The following ZNF140 variants were observed in gnomAD, a reference collection of about 807,000 sequenced individuals.
ZNF140 encodes zinc finger protein 140 (clone pHZ-39).
ZNF140 carries 13 observed loss-of-function variants against 12.9 expected under a neutral mutation model. The observed-to-expected ratio is 1.01, with a 90% CI of 0.66 to 1.60. ZNF140 has a LOEUF of 1.60. ZNF140 is among the 40% of genes most tolerant of loss of function. The pLI, the probability that ZNF140 is intolerant of heterozygous loss-of-function variation, is 0.00. For synonymous variants in ZNF140, 214 were observed against 186.7 expected (o/e 1.15, Z -1.19); for missense variants, 531 against 548.8 (o/e 0.97, Z 0.32).
At chr12:133,090,987 A>G (rs1315998731) in intron 4 of ZNF140, among the ~76,000 whole-genome samples, 1 of 148,670 alleles carries the variant, frequency 6.7e-6, no homozygotes, top group Non-Finnish European at 1.5e-5. Flanking sequence ...AATTGAACAA[A>G]TGTACAATCG....
intron 4 of ZNF140, among the ~76,000 whole-genome samples, chr12:133,097,955 T>G (rs902067637): frequency 2.0e-5 from 3 of 151,950 alleles, no homozygotes; most frequent in Non-Finnish European, 4.4e-5. Context: ...TGCCTCAGCC[T>G]CCTATGTAGC....
At chr12:133,103,923 T>C (rs1393335721) in intron 4 of ZNF140, among the ~76,000 whole-genome samples, 12 of 152,222 alleles carry the variant, frequency 7.9e-5, no homozygotes, top group African/African-American at 2.2e-4. Flanking sequence ...GACACAATTA[T>C]TTTAAAAGCT....
chr12:133,088,385 A>G (rs1270105332), intron 4 of ZNF140, among the ~76,000 whole-genome samples: 1 of 152,228 alleles, frequency 6.6e-6, no homozygotes, highest in African/African-American at 2.4e-5. Context: ...CTTCTTTCAC[A>G]TACTAATACA....
chr12:133,087,242 A>T (rs1954704618), intron 4 of ZNF140, among the ~76,000 whole-genome samples: 1 of 152,150 alleles, frequency 6.6e-6, no homozygotes, highest in South Asian at 2.1e-4. Flanking sequence ...ACAGACATGA[A>T]GAAGACTGAG....
intron 4 of ZNF140, among the ~76,000 whole-genome samples, chr12:133,096,000 G>T (rs995455793): frequency 2.6e-4 from 39 of 151,202 alleles, no homozygotes; most frequent in Non-Finnish European, 1.5e-4. Context: ...TATCTCAACT[G>T]CAAGAGGCTT....
chr12:133,095,618 C>CCGGG (rs1955052318), intron 4 of ZNF140, among the ~76,000 whole-genome samples: 1 of 151,752 alleles, frequency 6.6e-6, no homozygotes, highest in Non-Finnish European at 1.5e-5. Context: ...AGGACCTGCA[C>CCGGG]CAGCACCGGC....
At chr12:133,088,270 A>C (rs1262696181) in intron 4 of ZNF140, among the ~76,000 whole-genome samples, 2 of 152,206 alleles carry the variant, frequency 1.3e-5, no homozygotes, top group African/African-American at 2.4e-5. Context: ...TGTTCTGCCT[A>C]ATCACCCATT....
chr12:133,096,144 CCA>C (rs1955113353), intron 4 of ZNF140, among the ~76,000 whole-genome samples: 1 of 150,210 alleles, frequency 6.7e-6, no homozygotes, highest in Non-Finnish European at 1.5e-5. Flanking sequence ...TACCCCGCTT[CCA>C]AGGGCAGAGG....
At chr12:133,089,165 A>G (rs1954773365) in intron 4 of ZNF140, among the ~76,000 whole-genome samples, 1 of 152,040 alleles carries the variant, frequency 6.6e-6, no homozygotes, top group South Asian at 2.1e-4. Context: ...GGTAGAATTT[A>G]CCAGTGAATC....
rs896117224 is a variant in ZNF140, at chr12:133,094,733, C to T, written c.233-10777C>T. Among the ~76,000 whole-genome samples, 8 of 151,218 alleles carry T rather than the reference C, an allele frequency of 5.3e-5. 1 individual carries two copies. Among genetic ancestry groups the T allele is most frequent in the African/African-American group, 1.5e-4 (6 of 40,822 alleles). ...GCAGGTTGGGCAATAATGAGTGCCA[C>T]GAGCCAAGTCGCAGCAAGCGTAGTT... On this transcript the variant is annotated intron_variant, in intron 4 of 4. Coordinates refer to ENST00000355557, the MANE Select transcript of ZNF140 (RefSeq NM_003440.4).
intron 4 of ZNF140, among the ~76,000 whole-genome samples, chr12:133,093,225 C>T (rs1047350674): frequency 8.6e-5 from 13 of 151,124 alleles, no homozygotes; most frequent in Admixed American, 7.9e-4. Context: ...CTGTTATTAA[C>T]GTATACTTCA....
At position 133,081,006 on chromosome 12, in the gene ZNF140, C is replaced by A; in HGVS notation, c.-115C>A. On this transcript the variant is annotated 5_prime_UTR_variant, in exon 1 of 5. Coordinates refer to ENST00000355557, the MANE Select transcript of ZNF140 (RefSeq NM_003440.4). Reference sequence around the variant, plus strand: ...CCCCGGGCGGTGACTCGGTCCGGAGCCCTGGAACGCTACGCCCACCTGGCG... The same window carrying A: ...CCCCGGGCGGTGACTCGGTCCGGAGACCTGGAACGCTACGCCCACCTGGCG... 5.3e-6 allele frequency: 1 copy of A among 188,084 alleles called. No individual in the cohort carries two copies. The highest frequency in any genetic ancestry group is 8.0e-5 in the South Asian group (1 of 12,432). The allele number at this position is 188,084 out of a possible 1,614,324, so 11.7% of individuals were successfully genotyped here.
intron 4 of ZNF140, chr12:133,100,902 C>A (rs1198698851): frequency 4.7e-6 from 2 of 423,510 alleles, no homozygotes; most frequent in Admixed American, 2.6e-5. Flanking sequence ...TGGTGCGAGA[C>A]GTCACACTAC....
Position 133,105,946 on chromosome 12 carries a change from T to G in ZNF140, c.669T>G (p.Asn223Lys), listed in dbSNP as rs1955575244. 6.2e-7 allele frequency: 1 copy of G among 1,614,148 alleles called. No homozygotes were observed. The highest frequency in any genetic ancestry group is 1.1e-5 in the South Asian group (1 of 91,076). Residue 223 changes from asparagine (N) to lysine (K), a missense_variant, in exon 5 of 5, where the codon AAT (asparagine) becomes AAG (lysine). By Grantham distance (94) the Asn-to-Lys change is moderately conservative. Transcript: ENST00000355557. ...GKKPHECKDC[N>K]KTFSYLSFLI... ...AACCCCATGAGTGTAAGGACTGTAA[T>G]AAAACATTCAGTTACCTTTCATTTC...
chr12:133,081,660 A>C (rs1954508496), intron 2 of ZNF140: 1 of 439,204 alleles, frequency 2.3e-6, no homozygotes, highest in South Asian at 1.6e-5. Flanking sequence ...GAAGCTATCC[A>C]GATGTGGGCG....
At chr12:133,083,805 A>G (rs1259323625) in intron 4 of ZNF140, among the ~76,000 whole-genome samples, 1 of 151,990 alleles carries the variant, frequency 6.6e-6, no homozygotes, top group African/African-American at 2.4e-5. Flanking sequence ...TAAAAATACA[A>G]AAAAATTTGC....
At chr12:133,081,169 G>A in intron 1 of ZNF140, 97 bp downstream of exon 1, 1 of 360,198 alleles carries the variant, frequency 2.8e-6, no homozygotes, top group East Asian at 6.6e-5. Context: ...CTCTACGTGG[G>A]AGGCGCGGAG....
intron 4 of ZNF140, among the ~76,000 whole-genome samples, chr12:133,095,937 T>C (rs1438224294): frequency 2.0e-5 from 3 of 151,548 alleles, no homozygotes; most frequent in Non-Finnish European, 2.9e-5. Flanking sequence ...CAATCGGGTT[T>C]TATACCGAGA....
chr12:133,083,972 A>C (rs1954589739), intron 4 of ZNF140: 1 of 265,694 alleles, frequency 3.8e-6, no homozygotes, highest in East Asian at 1.2e-4. Context: ...AAAAAAAAAA[A>C]AGATACCAGA....
Sources: gnomAD v4.1 joint callset for allele counts (sites outside exome capture counted in the v4.1 genomes callset) on GRCh38, gnomAD v4.1.1 for gene constraint, MANE v1.5 for transcripts, NCBI Gene and HGNC (gene_info 2026-07-23, HGNC 2026-07-21) for gene names.